DNAH9: variants seen among roughly 807,000 people sequenced by gnomAD.
The protein encoded by DNAH9 is dynein axonemal heavy chain 9, also known as DNAH9 variant protein.
DNAH9 carries 345 observed loss-of-function variants against 471.6 expected under a neutral mutation model. That is an observed-to-expected ratio of 0.73 (90% CI 0.67 to 0.80). The LOEUF is 0.80. Among genes scored for constraint, DNAH9 ranks in the 30% least tolerant of loss-of-function variants. The pLI is 0.00. For synonymous variants in DNAH9, 2,093 were observed against 2,123.6 expected, an observed-to-expected ratio of 0.99 and a Z score of 0.40; for missense variants, 5,407 against 5,609.2, an observed-to-expected ratio of 0.96 and a Z score of 1.15.
At position 11,854,296 on chromosome 17, in the gene DNAH9, CT is replaced by C; in HGVS notation, c.9802del (p.Trp3268GlyfsTer6). On this transcript the variant is annotated frameshift_variant, in exon 50 of 69. Transcript: ENST00000262442. LOFTEE classifies it high-confidence loss of function. ...CCTATGCGGCTGCAGGCCTCTGCTC[CT>C]GGGTCATCAATATTGTGAGATTTTA... is the stretch of plus-strand genomic sequence containing the variant. Reference protein sequence around the residue: ...KSYAAAGLCSWVINIVRFYEV... With the variant: ...KSYAAAGLCSXVINIVRFYEV... 1 of 1,614,174 alleles carries C rather than the reference CT, an allele frequency of 6.2e-7. No individual in the cohort carries two copies. The highest frequency in any genetic ancestry group is 8.5e-7 in the Non-Finnish European group (1 of 1,180,044).
Position 11,846,579 on chromosome 17 carries a change from G to A in DNAH9, c.9508-7424G>A, listed in dbSNP as rs1410840294. Among the ~76,000 whole-genome samples the A allele has an allele frequency of 6.2e-5, 9 of 145,728 alleles. No individual in the cohort carries two copies. The East Asian group carries it at 1.2e-3, about 20-fold the overall frequency. On this transcript the variant is annotated intron_variant, in intron 49 of 68. Transcript: ENST00000262442. ...GCTTGATGGGGATGGCATTGAATCTGTAAATTACCTTGGGCAGTATGGCCA... is the reference window on the plus strand; with the variant it reads ...GCTTGATGGGGATGGCATTGAATCTATAAATTACCTTGGGCAGTATGGCCA...
intron 49 of DNAH9, among the ~76,000 whole-genome samples, chr17:11,835,709 A>G (rs1248291954): frequency 2.0e-5 from 3 of 152,188 alleles, no homozygotes; most frequent in Non-Finnish European, 1.5e-5. Context: ...ATCCTCTGCC[A>G]GTCACTGGGG....
chr17:11,606,448 C>CTTTTTTTTTTTTTTTTTTTTT (rs1156988834), intron 1 of DNAH9, among the ~76,000 whole-genome samples: 1 of 97,030 alleles, frequency 1.0e-5, no homozygotes, highest in African/African-American at 4.4e-5. Context: ...CTTTTCTTTT[C>CTTTTTTTTTTTTTTTTTTTTT]TTTTCTTTTT....
intron 38 of DNAH9, among the ~76,000 whole-genome samples, chr17:11,778,848 A>C (rs1209133198): frequency 6.6e-6 from 1 of 151,994 alleles, no homozygotes; most frequent in Non-Finnish European, 1.5e-5. Flanking sequence ...CTCTACTAAA[A>C]ACACAAAATT....
At chr17:11,883,276 G>A (rs1022741635) in intron 55 of DNAH9, 69 of 1,068,808 alleles carry the variant, frequency 6.5e-5, no homozygotes, top group African/African-American at 4.3e-4. Flanking sequence ...AATAAGCTCC[G>A]TTTAGTGAAC....
chr17:11,791,618 C>T (rs368137520), intron 41 of DNAH9, among the ~76,000 whole-genome samples: 4 of 151,714 alleles, frequency 2.6e-5, no homozygotes, highest in Admixed American at 6.6e-5. Flanking sequence ...GGCTGAGGCA[C>T]GAGAATTGCT....
At chr17:11,609,921 G>C (rs1204450386) in intron 2 of DNAH9, among the ~76,000 whole-genome samples, 2 of 152,204 alleles carry the variant, frequency 1.3e-5, no homozygotes, top group African/African-American at 4.8e-5. Flanking sequence ...GGAAATCACA[G>C]GGAGTTAGAA....
chr17:11,698,260 A>G (rs1163557448), intron 22 of DNAH9, among the ~76,000 whole-genome samples: 1 of 44,270 alleles, frequency 2.3e-5, no homozygotes, highest in Non-Finnish European at 4.8e-5. Flanking sequence ...ATTAATATAT[A>G]ATAATTATAT....
At chr17:11,640,162 T>G in intron 9 of DNAH9, 108 bp from the exon 10 acceptor site, 1 of 674,496 alleles carries the variant, frequency 1.5e-6, no homozygotes, top group Non-Finnish European at 2.6e-6. Context: ...GTGACTTTAG[T>G]CTGGAGATAA....
At chr17:11,640,099 T>C (rs2073241999) in intron 9 of DNAH9, among the ~76,000 whole-genome samples, 171 bp from the exon 10 acceptor site, 1 of 152,230 alleles carries the variant, frequency 6.6e-6, no homozygotes, top group South Asian at 2.1e-4. Flanking sequence ...GTCTCAGGGT[T>C]ACTCTTTCTT....
chr17:11,689,784 C>A lies in DNAH9; in HGVS notation c.3962C>A (p.Thr1321Asn). Residue 1321 changes from threonine to asparagine, a missense_variant, in exon 20 of 69, where the codon ACC becomes AAC. Around this residue, in one of 3 missense-constraint regions of DNAH9, gnomAD observed 4,636 missense variants for 4,900.3 expected, o/e 0.95. Transcript: ENST00000262442. The part of the protein sequence containing the change: ...MVTSSIHAWE[T>N]TPWRNINVEA... Reference sequence around the variant, plus strand: ...ACCTCCAGCATCCATGCCTGGGAGACCACACCCTGGAGGAATATCAACGTG... The same window carrying A: ...ACCTCCAGCATCCATGCCTGGGAGAACACACCCTGGAGGAATATCAACGTG... 6.2e-7 allele frequency: 1 copy of A among 1,614,192 alleles called. No individual in the cohort carries two copies. Among genetic ancestry groups the A allele is most frequent in the Non-Finnish European group, 8.5e-7 (1 of 1,180,038 alleles).
At chr17:11,825,001 C>T (rs1423540519) in intron 48 of DNAH9, among the ~76,000 whole-genome samples, 1 of 150,118 alleles carries the variant, frequency 6.7e-6, no homozygotes, top group African/African-American at 2.5e-5. Context: ...CTTTATTTAC[C>T]TTCAGGAAAC....
rs541466076 is a variant in DNAH9, at chr17:11,903,127, T to C, written c.11600+215T>C. Among the ~76,000 whole-genome samples the C allele has an allele frequency of 3.3e-5, 5 of 152,098 alleles. No individual in the cohort carries two copies. In the South Asian group the frequency reaches 1.0e-3, roughly 32 times the overall value. ...AGGCCGAGGCAGGTGGATCACAAGGTCAGGAGTTCAAGACCAGCCTGGCCA... is the reference window on the plus strand; with the variant it reads ...AGGCCGAGGCAGGTGGATCACAAGGCCAGGAGTTCAAGACCAGCCTGGCCA... On this transcript the variant is annotated intron_variant, in intron 60 of 68. Transcript: ENST00000262442.
chr17:11,856,746 C>G (rs752251809), intron 50 of DNAH9, among the ~76,000 whole-genome samples: 59 of 151,978 alleles, frequency 3.9e-4, no homozygotes, highest in Non-Finnish European at 2.2e-4. Flanking sequence ...CTCACCTCCT[C>G]TCAATATGCT....
rs3074845 is a variant in DNAH9, at chr17:11,960,435, TAAAAAAAAAAA to T, written c.12844-1415_12844-1405del. 1.3e-3 allele frequency among the ~76,000 whole-genome samples: 70 copies of T among 54,046 alleles called. 1 individual carries two copies. Among genetic ancestry groups the T allele is most frequent in the East Asian group, 4.3e-3 (7 of 1,610 alleles). The allele number at this position is 54,046 out of a possible 152,430, so 35.5% of individuals were successfully genotyped here. On this transcript the variant is annotated intron_variant, in intron 67 of 68. Transcript: ENST00000262442. ...TGGGTGACAGAGCAAGACTCTGTCT[TAAAAAAAAAAA>T]AAAAAAAAAAAAAAAATCCAAAAGT...
intron 49 of DNAH9, among the ~76,000 whole-genome samples, chr17:11,849,057 C>T (rs1029574448): frequency 5.9e-5 from 9 of 152,090 alleles, no homozygotes; most frequent in South Asian, 2.1e-4. Context: ...AGGATGGTCT[C>T]GATCTCCTGA....
chr17:11,599,091 TC>T (rs1338256369), intron 1 of DNAH9, among the ~76,000 whole-genome samples, 176 bp downstream of exon 1: 12 of 151,018 alleles, frequency 7.9e-5, no homozygotes, highest in Non-Finnish European at 1.5e-4. Context: ...GGAGGGAAGT[TC>T]CTGAAGTCAG....
intron 15 of DNAH9, among the ~76,000 whole-genome samples, chr17:11,665,717 T>C (rs17601080): frequency 6.6e-6 from 1 of 152,120 alleles, no homozygotes; most frequent in South Asian, 2.1e-4. Flanking sequence ...GCTTAGCAAA[T>C]AACCTATAGA....
At chr17:11,841,627 G>A (rs1310582560) in intron 49 of DNAH9, among the ~76,000 whole-genome samples, 3 of 152,180 alleles carry the variant, frequency 2.0e-5, no homozygotes, top group African/African-American at 7.2e-5. Flanking sequence ...CCGTACCTGT[G>A]AAGATAAGCT....
Sources: allele counts gnomAD v4.1 joint callset (sites outside exome capture counted in the v4.1 genomes callset), GRCh38; gene constraint gnomAD v4.1.1; regional missense constraint gnomAD v4.1.1; transcripts MANE v1.5; gene names NCBI Gene and HGNC (gene_info 2026-07-23, HGNC 2026-07-21).